WASHC4: variants seen among roughly 807,000 people sequenced by gnomAD.
The protein encoded by WASHC4 is WASH complex subunit 4.
WASHC4 carries 86 observed loss-of-function variants against 166.6 expected under a neutral mutation model. The ratio of observed to expected loss-of-function variants is 0.52; its 90% CI spans 0.43 to 0.62. The LOEUF (loss-of-function observed/expected upper bound fraction) is 0.62, where lower values mean the gene tolerates loss of function less well. Ranked by LOEUF, WASHC4 falls within the 20% of genes least tolerant of loss-of-function variation. WASHC4 has a pLI of 0.00. For missense variants in WASHC4, 1,262 were observed against 1,382.4 expected (o/e 0.91, Z 1.38); for synonymous variants, 446 against 451.6 (o/e 0.99, Z 0.16).
intron 2 of WASHC4, 113 bp downstream of exon 2, chr12:105,111,377 A>G (rs1290540081): frequency 1.8e-5 from 13 of 729,068 alleles, no homozygotes; most frequent in Non-Finnish European, 2.8e-5. Context: ...TAAGAACAAA[A>G]TGAAAGTTGG....
At chr12:105,129,026 A>G (rs1592866473) in intron 13 of WASHC4, among the ~76,000 whole-genome samples, 1 of 149,144 alleles carries the variant, frequency 6.7e-6, no homozygotes, top group Non-Finnish European at 1.5e-5. Context: ...GCTCACTGCA[A>G]CCTCCGCCTC....
intron 32 of WASHC4, 109 bp from the exon 33 acceptor site, chr12:105,166,755 T>C (rs1884832863): frequency 2.6e-6 from 2 of 757,146 alleles, no homozygotes; most frequent in African/African-American, 3.5e-5. Flanking sequence ...TGGATGCAAC[T>C]GTAATTTGAA....
chr12:105,167,709 T>TCA lies in WASHC4; in HGVS notation c.*778_*779insCA, dbSNP rs1399448759. 1 of 152,534 alleles carries TCA rather than the reference T, an allele frequency of 6.6e-6. No individual in the cohort carries two copies. The highest frequency in any genetic ancestry group is 1.9e-4 in the East Asian group (1 of 5,204). 9.4% of individuals were successfully genotyped at this position (152,534 alleles called of 1,614,324 possible). ...ATGATGTATGATGTCAGAAAAAAAATTGAATGAATTATTTCTACATCCAAA... is the reference window on the plus strand; with the variant it reads ...ATGATGTATGATGTCAGAAAAAAAATCATGAATGAATTATTTCTACATCCAAA... On this transcript the variant is annotated 3_prime_UTR_variant, in exon 33 of 33. Coordinates refer to ENST00000332180, the MANE Select transcript of WASHC4 (RefSeq NM_015275.3).
intron 30 of WASHC4, among the ~76,000 whole-genome samples, 154 bp from the exon 31 acceptor site, chr12:105,163,957 C>G (rs1472342816): frequency 2.0e-5 from 3 of 152,104 alleles, no homozygotes; most frequent in Non-Finnish European, 4.4e-5. Context: ...ACCCATCATT[C>G]ATTTATGCTG....
At chr12:105,130,895 T>C (rs1394406368) in intron 13 of WASHC4, among the ~76,000 whole-genome samples, 1 of 152,210 alleles carries the variant, frequency 6.6e-6, no homozygotes, top group Non-Finnish European at 1.5e-5. Context: ...ATATAGGCGT[T>C]GACACTGTTT....
chr12:105,144,595 A>G, intron 21 of WASHC4, 123 bp from the exon 22 acceptor site: 1 of 1,107,790 alleles, frequency 9.0e-7, no homozygotes, highest in Non-Finnish European at 1.3e-6. Flanking sequence ...TCTCATTTTT[A>G]TTAATACCTT....
At chr12:105,146,580 G>A in intron 23 of WASHC4, 54 bp downstream of exon 23, 1 of 926,096 alleles carries the variant, frequency 1.1e-6, no homozygotes, top group Non-Finnish European at 1.8e-6. Context: ...ATAGTTGGAA[G>A]GCTGAGGGGC....
At chr12:105,158,416 G>A (rs1357636189) in intron 28 of WASHC4, among the ~76,000 whole-genome samples, 1 of 152,142 alleles carries the variant, frequency 6.6e-6, no homozygotes, top group East Asian at 1.9e-4. Context: ...GTGGCCTCTT[G>A]ATGCAATGTA....
chr12:105,123,803 C>G, intron 10 of WASHC4, among the ~76,000 whole-genome samples: 1 of 152,010 alleles, frequency 6.6e-6, no homozygotes, highest in South Asian at 2.1e-4. Context: ...TTGGAAGATG[C>G]CACCTACATC....
intron 26 of WASHC4, among the ~76,000 whole-genome samples, chr12:105,154,608 A>C (rs996471550): frequency 4.6e-5 from 7 of 152,198 alleles, no homozygotes; most frequent in Non-Finnish European, 8.8e-5. Context: ...AGTACAACAA[A>C]TGTTTCTAGG....
At chr12:105,157,894 GC>G (rs11299134) in intron 28 of WASHC4, among the ~76,000 whole-genome samples, 152,300 of 152,300 alleles carry the variant, frequency 1, 76,150 homozygotes, top group Non-Finnish European at 1. Flanking sequence ...AGTCAGTTGT[GC>G]ATTTGTCCCA....
intron 24 of WASHC4, chr12:105,147,918 A>C (rs1176565158): frequency 3.1e-6 from 3 of 982,798 alleles, no homozygotes; most frequent in Non-Finnish European, 3.6e-6. Context: ...AAAAAAAAAA[A>C]CAAACAAAAA....
chr12:105,142,409 G>A, intron 18 of WASHC4, 44 bp from the exon 19 acceptor site: 1 of 1,100,228 alleles, frequency 9.1e-7, no homozygotes, highest in Non-Finnish European at 1.4e-6. Context: ...ATTGTTTTGG[G>A]ATTCTTCAGT....
chr12:105,122,041 C>T, intron 9 of WASHC4, 77 bp from the exon 10 acceptor site: 1 of 1,073,820 alleles, frequency 9.3e-7, no homozygotes, highest in Non-Finnish European at 1.3e-6. Context: ...AAAATTTTGA[C>T]TTCCAGGAAA....
Position 105,112,451 on chromosome 12 carries a change from CCT to C in WASHC4, c.201+1188_201+1189del, listed in dbSNP as rs143855041. 4.4e-3 allele frequency among the ~76,000 whole-genome samples: 668 copies of C among 152,130 alleles called. 9 individuals are homozygous for C. Among genetic ancestry groups the C allele is most frequent in the African/African-American group, 0.015 (631 of 41,518 alleles). On this transcript the variant is annotated intron_variant, in intron 2 of 32. Transcript: ENST00000332180. ...CATATGTATATATGGGAGTGGAAAT[CCT>C]GGGTTATGTGGTAACTATGTTTAAC...
Position 105,122,575 on chromosome 12 carries a change from A to G in WASHC4, c.786+337A>G, listed in dbSNP as rs75662942. Among the ~76,000 whole-genome samples the G allele has an allele frequency of 2.4e-3, 364 of 152,060 alleles. 16 individuals are homozygous for G. The East Asian group carries it at 0.06, about 25-fold the overall frequency. ...CATTTCCCAGGTAATTGCATTTTCT[A>G]CAAATTAAAGGTTTGTGGCAATCCT... On this transcript the variant is annotated intron_variant, in intron 10 of 32. Transcript: ENST00000332180.
intron 6 of WASHC4, among the ~76,000 whole-genome samples, chr12:105,116,989 T>C (rs1376916041): frequency 6.6e-6 from 1 of 152,166 alleles, no homozygotes; most frequent in African/African-American, 2.4e-5. Context: ...CTAAAAAATG[T>C]AGTTGGTAAG....
At chr12:105,147,970 G>A (rs1405830982) in intron 24 of WASHC4, 13 of 984,952 alleles carry the variant, frequency 1.3e-5, no homozygotes, top group African/African-American at 1.7e-5. Context: ...GAACTCGTAT[G>A]CTATTTTTCT....
At chr12:105,143,967 A>G (rs993526889) in intron 20 of WASHC4, among the ~76,000 whole-genome samples, 5 of 149,122 alleles carry the variant, frequency 3.4e-5, no homozygotes, top group Non-Finnish European at 6.0e-5. Flanking sequence ...TTTTTTTTTT[A>G]ACAGTTATTA....
Sources: gnomAD v4.1 joint callset for allele counts (sites outside exome capture counted in the v4.1 genomes callset) on GRCh38, gnomAD v4.1.1 for gene constraint, MANE v1.5 for transcripts, NCBI Gene and HGNC (gene_info 2026-07-23, HGNC 2026-07-21) for gene names.